Variants in DRC8 observed in about 807,000 individuals in gnomAD.
DRC8 encodes dynein regulatory complex subunit 8.
chr1:245,034,363 G>A, the DRC8 span, among the ~76,000 whole-genome samples: 48 of 152,090 alleles, frequency 3.2e-4, 1 homozygote, highest in Admixed American at 6.5e-4. Context: ...CATTTTGGGA[G>A]GCCAAGGCAG....
chr1:245,020,200 C>A, the DRC8 span, among the ~76,000 whole-genome samples: 2 of 152,184 alleles, frequency 1.3e-5, no homozygotes, highest in African/African-American at 4.8e-5. Flanking sequence ...TTTCCCTTTC[C>A]CTTATCTCTG....
the DRC8 span, among the ~76,000 whole-genome samples, chr1:245,121,692 C>T: frequency 2.0e-5 from 3 of 152,014 alleles, no homozygotes; most frequent in Admixed American, 6.6e-5. Context: ...GGGAGAGGTA[C>T]GGATCTGAAC....
the DRC8 span, among the ~76,000 whole-genome samples, chr1:245,119,946 A>T: frequency 0.45 from 1,230 of 2,748 alleles, 10 homozygotes; most frequent in African/African-American, 0.49. Context: ...AAAAAATAAA[A>T]AATAAGTAAA....
chr1:245,120,062 C>T, the DRC8 span, among the ~76,000 whole-genome samples: 23 of 152,254 alleles, frequency 1.5e-4, no homozygotes, highest in African/African-American at 5.3e-4. Context: ...TGACCATAAT[C>T]TGAAAGATGT....
the DRC8 span, among the ~76,000 whole-genome samples, chr1:245,009,183 G>A: frequency 3.3e-5 from 5 of 150,602 alleles, no homozygotes; most frequent in African/African-American, 1.2e-4. Context: ...TTACAGGCTC[G>A]CACCACCACG....
the DRC8 span, among the ~76,000 whole-genome samples, chr1:245,081,614 G>T: frequency 6.6e-6 from 1 of 152,034 alleles, no homozygotes; most frequent in Admixed American, 6.6e-5. Flanking sequence ...GATTACAGGT[G>T]TGCGCCACTA....
the DRC8 span, among the ~76,000 whole-genome samples, chr1:245,084,302 G>A: frequency 1.3e-5 from 2 of 151,914 alleles, no homozygotes; most frequent in South Asian, 2.1e-4. Context: ...GGCTGGTCTC[G>A]AACTTCTGAC....
chr1:245,095,034 C>G, the DRC8 span, among the ~76,000 whole-genome samples: 4 of 152,174 alleles, frequency 2.6e-5, no homozygotes, highest in South Asian at 8.3e-4. Context: ...ACAGAGCCTA[C>G]TGGAGACTGG....
At chr1:245,024,540 C>A in the DRC8 span, among the ~76,000 whole-genome samples, 4 of 147,964 alleles carry the variant, frequency 2.7e-5, no homozygotes, top group Admixed American at 6.8e-5. Context: ...TTTTTCTTTT[C>A]TTTTCTTTCT....
the DRC8 span, chr1:244,970,428 G>T: frequency 2.2e-5 from 34 of 1,537,490 alleles, no homozygotes; most frequent in Admixed American, 2.0e-5. Flanking sequence ...GATGGCGGAC[G>T]AGAAGGACAG....
chr1:245,055,755 C>G, the DRC8 span, among the ~76,000 whole-genome samples: 8 of 152,190 alleles, frequency 5.3e-5, no homozygotes, highest in African/African-American at 1.9e-4. Context: ...CTCCTTCGAA[C>G]TCTCTCTTAG....
the DRC8 span, among the ~76,000 whole-genome samples, chr1:244,997,793 C>A: frequency 6.6e-5 from 10 of 152,150 alleles, no homozygotes; most frequent in African/African-American, 2.4e-4. Flanking sequence ...GATCCGCCCA[C>A]CTCGGCCTCC....
chr1:245,105,622 C>CAA, the DRC8 span, among the ~76,000 whole-genome samples: 341 of 113,998 alleles, frequency 3.0e-3, 1 homozygote, highest in South Asian at 9.0e-3. Context: ...GACCCCATCT[C>CAA]AAAAAAAAAA....
the DRC8 span, among the ~76,000 whole-genome samples, chr1:245,090,624 T>C: frequency 3.3e-5 from 5 of 152,098 alleles, no homozygotes. Flanking sequence ...TAGGTTATAT[T>C]GTGATAACAA....
At chr1:245,067,710 C>A in the DRC8 span, among the ~76,000 whole-genome samples, 1 of 152,198 alleles carries the variant, frequency 6.6e-6, no homozygotes, top group African/African-American at 2.4e-5. Context: ...GTGGGAATTT[C>A]TATCAGCCTG....
chr1:245,037,274 T>G, the DRC8 span, among the ~76,000 whole-genome samples: 2 of 152,196 alleles, frequency 1.3e-5, no homozygotes, highest in Non-Finnish European at 2.9e-5. Flanking sequence ...AGCAACAAAA[T>G]TCAGTGGCAC....
the DRC8 span, among the ~76,000 whole-genome samples, chr1:245,081,815 C>T: frequency 1.3e-5 from 2 of 152,202 alleles, no homozygotes; most frequent in African/African-American, 4.8e-5. Flanking sequence ...TCCTTCCCCT[C>T]ACTGTACTTA....
At chr1:245,060,299 C>A in the DRC8 span, among the ~76,000 whole-genome samples, 1 of 152,182 alleles carries the variant, frequency 6.6e-6, no homozygotes, top group African/African-American at 2.4e-5. Context: ...ATAATAACTA[C>A]TTCAAAGTTT....
chr1:245,047,075 G>A, the DRC8 span, among the ~76,000 whole-genome samples: 1 of 152,274 alleles, frequency 6.6e-6, no homozygotes, highest in Non-Finnish European at 1.5e-5. Flanking sequence ...TCGCAGTGCT[G>A]CTTTCATCAG....
Sources: allele counts gnomAD v4.1 joint callset (sites outside exome capture counted in the v4.1 genomes callset), GRCh38; gene constraint gnomAD v4.1.1; transcripts MANE v1.5; gene names NCBI Gene and HGNC (gene_info 2026-07-23, HGNC 2026-07-21).